The following SLC13A4 variants were observed in gnomAD, a reference collection of about 807,000 sequenced individuals.
The protein encoded by SLC13A4 is Na(+)/sulfate cotransporter SUT-1.
A neutral mutation model predicts 72.7 loss-of-function variants in SLC13A4; 28 were observed. That is an observed-to-expected ratio of 0.39 (90% CI 0.29 to 0.53). SLC13A4 has a LOEUF of 0.53. SLC13A4 is among the 20% of genes least tolerant of loss of function. The probability of loss-of-function intolerance (pLI) is 0.78; values close to 1 mark genes in which losing one functional copy is unlikely to be tolerated. For synonymous variants in SLC13A4, 312 were observed against 325.5 expected, an observed-to-expected ratio of 0.96 and a Z score of 0.45; for missense variants, 653 against 788.0, an observed-to-expected ratio of 0.83 and a Z score of 2.05.
chr7:135,724,100 T>C (rs997766979), intron 1 of SLC13A4, among the ~76,000 whole-genome samples: 2 of 152,322 alleles, frequency 1.3e-5, no homozygotes, highest in South Asian at 2.1e-4. Flanking sequence ...TGCCCCTCAC[T>C]GGGGACCCTT....
intron 2 of SLC13A4, among the ~76,000 whole-genome samples, chr7:135,716,070 A>G (rs1483475514): frequency 6.6e-6 from 1 of 152,104 alleles, no homozygotes; most frequent in African/African-American, 2.4e-5. Context: ...CTTTATACAG[A>G]ACGGGAAATT....
At chr7:135,690,305 T>C (rs1050731097) in intron 13 of SLC13A4, among the ~76,000 whole-genome samples, 1 of 152,080 alleles carries the variant, frequency 6.6e-6, no homozygotes. Flanking sequence ...GTTTTCTATT[T>C]TATGGAGGGC....
At chr7:135,684,933 C>T (rs191650676) in intron 14 of SLC13A4, among the ~76,000 whole-genome samples, 4 of 152,296 alleles carry the variant, frequency 2.6e-5, no homozygotes, top group Non-Finnish European at 4.4e-5. Flanking sequence ...CATCACCTTT[C>T]CGGCTGCTTG....
chr7:135,705,774 C>T (rs950626232), intron 4 of SLC13A4, 124 bp from the exon 5 acceptor site: 7 of 799,290 alleles, frequency 8.8e-6, no homozygotes, highest in Admixed American at 6.0e-5. Context: ...ATTTCTCCTT[C>T]CCTTTGCTCT....
rs1795505554 is a variant in SLC13A4, at chr7:135,681,672, A to G, written c.1775T>C (p.Ile592Thr). 1.2e-6 allele frequency: 2 copies of G among 1,613,890 alleles called. No homozygotes were observed. Among genetic ancestry groups the G allele is most frequent in the East Asian group, 2.2e-5 (1 of 44,886 alleles). ...MVKAGLGVNV[I>T]GLVIVMVAIN... ...GGCCACCATTACTATCACCAGTCCA[A>G]TAACGTTGACTCCCAGGCCAGCTTT... Residue 592 changes from isoleucine (I) to threonine (T), a missense_variant, in exon 16 of 16, where the codon ATT (isoleucine) becomes ACT (threonine). Transcript: ENST00000682651.
intron 13 of SLC13A4, among the ~76,000 whole-genome samples, chr7:135,685,931 C>G (rs1232146068): frequency 1.3e-5 from 2 of 152,214 alleles, no homozygotes; most frequent in African/African-American, 4.8e-5. Context: ...GAGAGCCACC[C>G]TAATTGCCAT....
At position 135,727,506 on chromosome 7, in the gene SLC13A4, G is replaced by A. The variant is rs774325465; in HGVS notation, c.-10C>T. The A allele has an allele frequency of 6.5e-7, 1 of 1,548,104 alleles. No homozygotes were observed. Among genetic ancestry groups the A allele is most frequent in the African/African-American group, 1.4e-5 (1 of 73,024 alleles). On this transcript the variant is annotated 5_prime_UTR_variant, in exon 1 of 16. Coordinates refer to ENST00000682651, the MANE Select transcript of SLC13A4 (RefSeq NM_001318192.2). ...CCTGCAGCAGGCCCATCGCGCCTCT[G>A]TCCTCTCCAGCTCGTCCTTGGACCC... is the stretch of plus-strand genomic sequence containing the variant.
Position 135,702,053 on chromosome 7 carries a change from T to C in SLC13A4, c.634-293A>G, listed in dbSNP as rs541344005. 1.0e-4 allele frequency: 25 copies of C among 242,608 alleles called. No individual in the cohort carries two copies. In the East Asian group the frequency reaches 1.8e-3, roughly 18 times the overall value. 15.0% of individuals were successfully genotyped at this position (242,608 alleles called of 1,614,324 possible). A position where few individuals can be genotyped will look rare whatever the true frequency, so the allele number is the denominator to read the frequency against. ...ATTAGCTAATGAAGAACCCTTTATA[T>C]ATAAGATGAAAAAAAAGAAAATAAA... On this transcript the variant is annotated intron_variant, in intron 6 of 15. Transcript: ENST00000682651.
chr7:135,697,197 C>T (rs911893530), intron 8 of SLC13A4, among the ~76,000 whole-genome samples: 5 of 152,272 alleles, frequency 3.3e-5, no homozygotes, highest in African/African-American at 1.2e-4. Context: ...ACAGGCGGCA[C>T]GCCCATGACC....
At chr7:135,681,767 C>CT in intron 15 of SLC13A4, 67 bp from the exon 16 acceptor site, 1 of 1,568,484 alleles carries the variant, frequency 6.4e-7, no homozygotes. Flanking sequence ...CCAAGTCCCC[C>CT]TTCTGTTCCT....
At chr7:135,687,886 C>G (rs1795672853) in intron 13 of SLC13A4, among the ~76,000 whole-genome samples, 1 of 152,198 alleles carries the variant, frequency 6.6e-6, no homozygotes, top group Admixed American at 6.5e-5. Context: ...TCTCAGCTCA[C>G]TGCAACCTCT....
Position 135,681,667 on chromosome 7 carries a change from G to C in SLC13A4, c.1780C>G (p.Leu594Val). Residue 594 changes from leucine (L) to valine (V), a missense_variant, in exon 16 of 16, where the codon CTG (leucine) becomes GTG (valine). Coordinates refer to ENST00000682651, the MANE Select transcript of SLC13A4 (RefSeq NM_001318192.2). ...KAGLGVNVIG[L>V]VIVMVAINTW... Reference sequence around the variant, plus strand: ...TTGATGGCCACCATTACTATCACCAGTCCAATAACGTTGACTCCCAGGCCA... The same window carrying C: ...TTGATGGCCACCATTACTATCACCACTCCAATAACGTTGACTCCCAGGCCA... 1 of 1,613,954 alleles carries C rather than the reference G, an allele frequency of 6.2e-7. No homozygotes were observed. Among genetic ancestry groups the C allele is most frequent in the Non-Finnish European group, 8.5e-7 (1 of 1,179,914 alleles).
At chr7:135,690,180 CAAAAAAAAAAAAAA>C (rs57390577) in intron 13 of SLC13A4, among the ~76,000 whole-genome samples, 2 of 29,632 alleles carry the variant, frequency 6.7e-5, no homozygotes, top group Non-Finnish European at 7.2e-5. Context: ...GACTCTGTCT[CAAAAAAAAAAAAAA>C]AAAAAAAAAA....
intron 14 of SLC13A4, 141 bp downstream of exon 14, chr7:135,685,381 G>T: frequency 3.3e-6 from 2 of 614,786 alleles, no homozygotes; most frequent in Non-Finnish European, 5.6e-6. Flanking sequence ...TTTCAAAATA[G>T]GAATTGAACA....
At chr7:135,683,986 A>G (rs1267414701) in intron 15 of SLC13A4, 138 bp downstream of exon 15, 43 of 1,051,350 alleles carry the variant, frequency 4.1e-5, no homozygotes, top group Non-Finnish European at 5.3e-5. Context: ...TATAGGTGCT[A>G]TTCTTGCTAC....
chr7:135,692,519 A>G (rs1172991292), intron 10 of SLC13A4, 95 bp from the exon 11 acceptor site: 2 of 819,780 alleles, frequency 2.4e-6, no homozygotes, highest in African/African-American at 1.7e-5. Context: ...TAGAGTTTCA[A>G]TACCCTAGAC....
intron 2 of SLC13A4, among the ~76,000 whole-genome samples, chr7:135,713,442 A>C (rs997792354): frequency 6.6e-5 from 10 of 152,192 alleles, no homozygotes; most frequent in Middle Eastern, 3.2e-3. Flanking sequence ...GGACAAGCTA[A>C]TGAACCTCTG....
At chr7:135,715,309 G>A (rs1027492191) in intron 2 of SLC13A4, among the ~76,000 whole-genome samples, 2 of 126,822 alleles carry the variant, frequency 1.6e-5, no homozygotes, top group African/African-American at 7.5e-5. Context: ...GTATATCTAA[G>A]CATGTGTATG....
chr7:135,715,176 T>C (rs987377221), intron 2 of SLC13A4, among the ~76,000 whole-genome samples: 1 of 151,450 alleles, frequency 6.6e-6, no homozygotes, highest in African/African-American at 2.4e-5. Context: ...TATATGTGTA[T>C]ATGGGTATAT....
Sources: gnomAD v4.1 joint callset for allele counts (sites outside exome capture counted in the v4.1 genomes callset) on GRCh38, gnomAD v4.1.1 for gene constraint, MANE v1.5 for transcripts, NCBI Gene and HGNC (gene_info 2026-07-23, HGNC 2026-07-21) for gene names.